The following GAREM2 variants were observed in gnomAD, a reference collection of about 807,000 sequenced individuals.
GAREM2 encodes GRB2-associated and regulator of MAPK protein 2.
Under a neutral mutation model 55.6 loss-of-function variants are expected in GAREM2, and 30 were observed. The ratio of observed to expected loss-of-function variants is 0.54; its 90% CI spans 0.40 to 0.73. The LOEUF (loss-of-function observed/expected upper bound fraction) is 0.73, where lower values mean the gene tolerates loss of function less well. Among genes scored for constraint, GAREM2 ranks in the 30% least tolerant of loss-of-function variants. GAREM2 has a pLI of 0.00. For synonymous variants in GAREM2, 550 were observed against 569.1 expected (o/e 0.97, Z 0.48); for missense variants, 1,075 against 1,257.7 (o/e 0.85, Z 2.20).
intron 1 of GAREM2, 40 bp from the exon 2 acceptor site, chr2:26,176,304 C>A (rs2147720347): frequency 6.8e-7 from 1 of 1,481,406 alleles, no homozygotes; most frequent in Non-Finnish European, 9.0e-7. Flanking sequence ...AATGTCCTGT[C>A]TTCCTTCCCC....
chr2:26,173,211 C>T lies in GAREM2; in HGVS notation c.-10C>T. ...GGGCCCCGGGACGGCGGCCCCGGGG[C>T]GCCCATGCCATGGAGAAGCTGGCGG... On this transcript the variant is annotated 5_prime_UTR_variant, in exon 1 of 6. Transcript: ENST00000401533. 2.4e-6 allele frequency: 3 copies of T among 1,236,030 alleles called. No individual in the cohort carries two copies. The highest frequency in any genetic ancestry group is 3.3e-5 in the East Asian group (1 of 30,592). The allele number at this position is 1,236,030 out of a possible 1,614,324, so 76.6% of individuals were successfully genotyped here.
At position 26,184,404 on chromosome 2, in the gene GAREM2, G is replaced by T. The variant is rs1279720559; in HGVS notation, c.556G>T (p.Gly186Trp). Residue 186 changes from glycine (G) to tryptophan (W), a missense_variant, in exon 4 of 6, where the codon GGG (glycine) becomes TGG (tryptophan). By Grantham distance (184) the Gly-to-Trp change is radical. Around this residue, in one of 6 missense-constraint regions of GAREM2, gnomAD observed 230 missense variants for 310.6 expected, o/e 0.74. Coordinates refer to ENST00000401533, the MANE Select transcript of GAREM2 (RefSeq NM_001168241.2). ...RKLGRAGALAGVGGGGPASAG... is the reference protein window; with the variant it reads ...RKLGRAGALAWVGGGGPASAG... ...GCTGGGCCGGGCCGGGGCGCTGGCC[G>T]GGGTGGGCGGCGGCGGCCCAGCGAG... 2 of 1,503,472 alleles carry T rather than the reference G, an allele frequency of 1.3e-6. No homozygotes were observed. Among genetic ancestry groups the T allele is most frequent in the South Asian group, 2.5e-5 (2 of 80,752 alleles). The allele number at this position is 1,503,472 out of a possible 1,614,324, so 93.1% of individuals were successfully genotyped here. A position where few individuals can be genotyped will look rare whatever the true frequency, so the allele number is the denominator to read the frequency against.
At chr2:26,183,992 A>G (rs1320450297) in intron 3 of GAREM2, among the ~76,000 whole-genome samples, 3 of 152,272 alleles carry the variant, frequency 2.0e-5, no homozygotes, top group Non-Finnish European at 1.5e-5. Context: ...ATCCTACAGC[A>G]GTTCTTCGAA....
Position 26,187,733 on chromosome 2 carries a change from T to A in GAREM2, c.2101T>A (p.Phe701Ile). The change falls in exon 6 of 6, where the codon TTC (phenylalanine) becomes ATC (isoleucine). Residue 701 changes from phenylalanine to isoleucine, a missense_variant. Coordinates refer to ENST00000401533, the MANE Select transcript of GAREM2 (RefSeq NM_001168241.2). The part of the protein sequence containing the change: ...SEWQEPVLEP[F>I]DPFELGQGSS... ...ATGGCAGGAACCAGTCCTGGAGCCC[T>A]TCGATCCCTTTGAGCTGGGGCAGGG... 1 of 1,462,126 alleles carries A rather than the reference T, an allele frequency of 6.8e-7. No homozygotes were observed. The highest frequency in any genetic ancestry group is 9.1e-7 in the Non-Finnish European group (1 of 1,102,544). The allele number at this position is 1,462,126 out of a possible 1,614,324, so 90.6% of individuals were successfully genotyped here. A position where few individuals can be genotyped will look rare whatever the true frequency, so the allele number is the denominator to read the frequency against.
chr2:26,178,182 C>G (rs550135482), intron 2 of GAREM2, among the ~76,000 whole-genome samples: 1 of 152,346 alleles, frequency 6.6e-6, no homozygotes, highest in East Asian at 1.9e-4. Context: ...ACCTGGGGTT[C>G]TATCTTGGGC....
chr2:26,186,741 C>T (rs1055323435), intron 5 of GAREM2, among the ~76,000 whole-genome samples: 20 of 152,118 alleles, frequency 1.3e-4, no homozygotes, highest in African/African-American at 3.4e-4. Context: ...TTTGGGAGGC[C>T]GAGTTGGGTG....
chr2:26,192,363 A>T (rs777153382), downstream of GAREM2: 68 of 1,611,428 alleles, frequency 4.2e-5, no homozygotes, highest in East Asian at 1.4e-3. Context: ...CCATGTCAGA[A>T]TTCAAATCCT....
rs1211836486 is a variant in GAREM2, at chr2:26,187,681, C to T, written c.2049C>T (p.Cys683=). The change falls in exon 6 of 6, where the codon TGC becomes TGT. Residue 683 remains cysteine, a synonymous_variant. Coordinates refer to ENST00000401533, the MANE Select transcript of GAREM2 (RefSeq NM_001168241.2). The part of the protein sequence containing the change: ...QAYSAAPPSS[C]APSSSSSSEW... ...ATTCAGCTGCTCCCCCCTCCTCCTG[C>T]GCCCCCTCCTCCTCCTCTTCTTCTG... 6.6e-6 allele frequency: 10 copies of T among 1,506,460 alleles called. No homozygotes were observed. The highest frequency in any genetic ancestry group is 2.3e-5 in the Admixed American group (1 of 43,710). 93.3% of individuals were successfully genotyped at this position (1,506,460 alleles called of 1,614,324 possible).
chr2:26,176,138 C>A (rs1668858089), intron 1 of GAREM2, among the ~76,000 whole-genome samples: 1 of 152,192 alleles, frequency 6.6e-6, no homozygotes, highest in Non-Finnish European at 1.5e-5. Flanking sequence ...GAGTCACAGC[C>A]CTGAGAGGCT....
At chr2:26,192,219 T>TAA (rs34898931), downstream of GAREM2, 1,685 of 657,236 alleles carry the variant, frequency 2.6e-3, 1 homozygote, top group South Asian at 8.6e-3. Context: ...CTTAAAGTAT[T>TAA]AAAAAAAAAA....
the GAREM2 span, among the ~76,000 whole-genome samples, chr2:26,198,879 A>G: frequency 1.4e-3 from 212 of 151,662 alleles, no homozygotes; most frequent in African/African-American, 4.8e-3. Flanking sequence ...GTGAGACCCT[A>G]TATCTACAAA....
At chr2:26,197,865 C>T in the GAREM2 span, 1 of 773,628 alleles carries the variant, frequency 1.3e-6, no homozygotes, top group Non-Finnish European at 2.4e-6. Flanking sequence ...ACACCTGGGC[C>T]CAGCCCACTC....
rs1668873036 is a variant in GAREM2, at chr2:26,176,563, A to G, written c.253+79A>G. The G allele has an allele frequency of 7.8e-6, 10 of 1,287,468 alleles. No individual in the cohort carries two copies. In the South Asian group the frequency reaches 1.6e-4, roughly 21 times the overall value. The allele number at this position is 1,287,468 out of a possible 1,614,324, so 79.8% of individuals were successfully genotyped here. ...GGGACTGGGGCCAGGGGTAGGGGGA[A>G]CGCTGGGACTAGCGAGGCGGTGATT... is the stretch of plus-strand genomic sequence containing the variant. On this transcript the variant is annotated intron_variant, in intron 2 of 5. Coordinates refer to ENST00000401533, the MANE Select transcript of GAREM2 (RefSeq NM_001168241.2).
chr2:26,178,410 A>ACCC (rs5830003), intron 2 of GAREM2, among the ~76,000 whole-genome samples: 24 of 145,214 alleles, frequency 1.7e-4, no homozygotes, highest in African/African-American at 4.8e-4. Context: ...AAAACAAACA[A>ACCC]CCCCCCCCCC....
At chr2:26,197,709 GAC>G in the GAREM2 span, 3 of 1,503,242 alleles carry the variant, frequency 2.0e-6, no homozygotes, top group Non-Finnish European at 2.8e-6. Context: ...GTCTTTTGCT[GAC>G]AGCAGCGATT....
chr2:26,197,681 C>T, the GAREM2 span: 1 of 1,253,188 alleles, frequency 8.0e-7, no homozygotes, highest in Non-Finnish European at 1.2e-6. Flanking sequence ...TTTCTCTGTT[C>T]CGAGTTTACC....
chr2:26,184,606 C>T lies in GAREM2; in HGVS notation c.758C>T (p.Thr253Met). Residue 253 changes from threonine to methionine, a missense_variant, in exon 4 of 6, where the codon ACG (threonine) becomes ATG (methionine). Physicochemically the swap from Thr to Met is moderately conservative, Grantham distance 81 (BLOSUM62 -1). Coordinates refer to ENST00000401533, the MANE Select transcript of GAREM2 (RefSeq NM_001168241.2). ...LELQMQEGEH[T>M]VRAIIERVRL... ...CTGCAGATGCAAGAGGGCGAGCACACGGTGCGCGCCATCATCGAGCGCGTG... is the reference window on the plus strand; with the variant it reads ...CTGCAGATGCAAGAGGGCGAGCACATGGTGCGCGCCATCATCGAGCGCGTG... The T allele has an allele frequency of 6.5e-7, 1 of 1,548,174 alleles. No individual in the cohort carries two copies. The highest frequency in any genetic ancestry group is 1.2e-5 in the South Asian group (1 of 83,890).
Position 26,184,968 on chromosome 2 carries a change from A to C in GAREM2, c.1120A>C (p.Ser374Arg). 8.3e-7 allele frequency: 1 copy of C among 1,207,464 alleles called. No homozygotes were observed. Among genetic ancestry groups the C allele is most frequent in the Non-Finnish European group, 1.0e-6 (1 of 973,256 alleles). The allele number at this position is 1,207,464 out of a possible 1,614,324, so 74.8% of individuals were successfully genotyped here. The part of the protein sequence containing the change: ...APAELAEDCA[S>R]PRRARLCLPA... ...AGCGGAGCTCGCCGAAGACTGCGCC[A>C]GCCCGCGCCGCGCGCGCCTCTGCCT... Residue 374 changes from serine to arginine, a missense_variant, in exon 4 of 6, where the codon AGC (serine) becomes CGC (arginine). Ser to Arg is a moderately radical substitution (Grantham distance 110). Transcript: ENST00000401533.
Position 26,187,976 on chromosome 2 carries a change from C to T in GAREM2, c.2344C>T (p.Pro782Ser), listed in dbSNP as rs1481851252. 3 of 1,461,092 alleles carry T rather than the reference C, an allele frequency of 2.1e-6. No individual in the cohort carries two copies. The South Asian group carries it at 4.3e-5, about 21-fold the overall frequency. 90.5% of individuals were successfully genotyped at this position (1,461,092 alleles called of 1,614,324 possible). Residue 782 changes from proline to serine, a missense_variant, in exon 6 of 6, where the codon CCT (proline) becomes TCT (serine). Physicochemically the swap from Pro to Ser is moderately conservative, Grantham distance 74. Around this residue, in one of 6 missense-constraint regions of GAREM2, gnomAD observed 142 missense variants for 172.3 expected, o/e 0.82. Transcript: ENST00000401533. ...FLTQGRLEGPPASPRDGATGF... is the reference protein window; with the variant it reads ...FLTQGRLEGPSASPRDGATGF... The stretch of plus-strand genomic sequence containing the variant: ...AACCCAAGGGCGCCTGGAAGGGCCT[C>T]CTGCCAGTCCCCGGGATGGAGCCAC...
Sources: allele counts gnomAD v4.1 joint callset (sites outside exome capture counted in the v4.1 genomes callset), GRCh38; gene constraint gnomAD v4.1.1; regional missense constraint gnomAD v4.1.1; transcripts MANE v1.5; gene names NCBI Gene and HGNC (gene_info 2026-07-23, HGNC 2026-07-21).